PCBP3: variants seen among roughly 807,000 people sequenced by gnomAD.
PCBP3 encodes the protein poly(rC)-binding protein 3.
Under a neutral mutation model 52.7 loss-of-function variants are expected in PCBP3, and 25 were observed. The observed-to-expected ratio is 0.47, with a 90% CI of 0.35 to 0.66. The LOEUF (loss-of-function observed/expected upper bound fraction) is 0.66. PCBP3 is among the 30% of genes least tolerant of loss of function. The pLI, the probability that PCBP3 is intolerant of heterozygous loss-of-function variation, is 0.01. For missense variants in PCBP3, 391 were observed against 490.3 expected, an observed-to-expected ratio of 0.80 and a Z score of 1.91; for synonymous variants, 162 against 183.0, an observed-to-expected ratio of 0.89 and a Z score of 0.93.
At chr21:45,799,765 CTTTG>C (rs1426971097) in intron 4 of PCBP3, among the ~76,000 whole-genome samples, 1 of 152,146 alleles carries the variant, frequency 6.6e-6, no homozygotes, top group Non-Finnish European at 1.5e-5. Flanking sequence ...GGGAACTGGG[CTTTG>C]TTTTAGTTTC....
chr21:45,678,619 G>T (rs999470640), intron 2 of PCBP3, among the ~76,000 whole-genome samples: 1 of 151,840 alleles, frequency 6.6e-6, no homozygotes, highest in African/African-American at 2.4e-5. Flanking sequence ...GCCTGAAGAT[G>T]TGACTGAATT....
At chr21:45,814,592 G>A (rs2092787554) in intron 4 of PCBP3, among the ~76,000 whole-genome samples, 1 of 133,548 alleles carries the variant, frequency 7.5e-6, no homozygotes, top group Admixed American at 7.4e-5. Context: ...GTGATGAGTG[G>A]TGAGTGAGTG....
intron 13 of PCBP3, among the ~76,000 whole-genome samples, chr21:45,925,737 A>G (rs1176947442): frequency 6.6e-6 from 1 of 152,254 alleles, no homozygotes; most frequent in Non-Finnish European, 1.5e-5. Flanking sequence ...TTTACTCATT[A>G]CATGTTGATA....
chr21:45,883,336 G>A (rs2095445005), intron 5 of PCBP3, among the ~76,000 whole-genome samples: 1 of 152,196 alleles, frequency 6.6e-6, no homozygotes, highest in South Asian at 2.1e-4. Flanking sequence ...TATAGATTCT[G>A]TACATGCAGG....
intron 2 of PCBP3, among the ~76,000 whole-genome samples, chr21:45,730,723 G>A (rs987209763): frequency 2.0e-5 from 3 of 151,996 alleles, no homozygotes; most frequent in East Asian, 3.9e-4. Flanking sequence ...GTGTGTGAAC[G>A]TTTAGGGTTA....
chr21:45,655,006 A>G (rs1332143956), intron 1 of PCBP3, among the ~76,000 whole-genome samples: 1 of 152,172 alleles, frequency 6.6e-6, no homozygotes, highest in Non-Finnish European at 1.5e-5. Flanking sequence ...CACTTTGCAT[A>G]ACATTTTCAA....
chr21:45,819,770 C>G (rs2093074259), intron 4 of PCBP3, among the ~76,000 whole-genome samples: 1 of 152,274 alleles, frequency 6.6e-6, no homozygotes, highest in Admixed American at 6.5e-5. Flanking sequence ...CTGGGCGCCT[C>G]TGTCCAGTGC....
At chr21:45,660,552 G>C (rs2080322523) in intron 1 of PCBP3, among the ~76,000 whole-genome samples, 1 of 152,036 alleles carries the variant, frequency 6.6e-6, no homozygotes, top group Non-Finnish European at 1.5e-5. Flanking sequence ...CTCCATTACT[G>C]ACTTTGTGTT....
rs1292306105 is a variant in PCBP3 at position 45,940,053 on chromosome 21, C to T, written c.933C>T (p.Arg311=). Residue 311 remains arginine (R), a synonymous_variant, in exon 17 of 18, where the codon CGC becomes CGT. Transcript: ENST00000681687. Reference sequence around the variant, plus strand: ...AGCTAATAGGCTGCATAATTGGACGCCAAGGGACCAAAATCAATGAAATTC... The same window carrying T: ...AGCTAATAGGCTGCATAATTGGACGTCAAGGGACCAAAATCAATGAAATTC... ...PNDLIGCIIG[R]QGTKINEIRQ... 6.2e-7 allele frequency: 1 copy of T among 1,614,102 alleles called. No homozygotes were observed. Among genetic ancestry groups the T allele is most frequent in the South Asian group, 1.1e-5 (1 of 91,080 alleles).
intron 5 of PCBP3, among the ~76,000 whole-genome samples, chr21:45,887,821 C>G (rs558703133): frequency 6.6e-6 from 1 of 152,220 alleles, no homozygotes; most frequent in South Asian, 2.1e-4. Flanking sequence ...CCCTAAGCTT[C>G]CCGGAGAGCC....
At chr21:45,653,575 C>G (rs763913800) in intron 1 of PCBP3, among the ~76,000 whole-genome samples, 1 of 152,014 alleles carries the variant, frequency 6.6e-6, no homozygotes, top group Non-Finnish European at 1.5e-5. Context: ...CTCATATTTA[C>G]ATACTATCTT....
At chr21:45,828,876 TC>T (rs1324470334) in intron 4 of PCBP3, 2 of 152,268 alleles carry the variant, frequency 1.3e-5, no homozygotes, top group African/African-American at 4.8e-5. Flanking sequence ...ATGCCCAGGC[TC>T]CTTTGGGGGC....
intron 13 of PCBP3, chr21:45,918,168 A>T (rs2073808924): frequency 5.9e-6 from 1 of 169,224 alleles, no homozygotes; most frequent in Non-Finnish European, 1.3e-5. Context: ...TTCCAGAATC[A>T]GTGGGATGCC....
intron 2 of PCBP3, among the ~76,000 whole-genome samples, chr21:45,692,641 T>A (rs1156844069): frequency 6.6e-6 from 1 of 152,170 alleles, no homozygotes; most frequent in African/African-American, 2.4e-5. Context: ...ACTATATAAA[T>A]TCAATTTCTA....
chr21:45,814,988 A>AGTGAGTG (rs752278420), intron 4 of PCBP3, among the ~76,000 whole-genome samples: 1,334 of 45,188 alleles, frequency 0.03, 93 homozygotes, highest in Middle Eastern at 0.068. Context: ...GTGAGTGGTG[A>AGTGAGTG]GTGAGTGGTG....
At position 45,715,087 on chromosome 21, in the gene PCBP3, TAAC is replaced by T. The variant is rs779079881; in HGVS notation, c.-199-20302_-199-20300del. Reference sequence around the variant, plus strand: ...AATGGATAAATCTCAGTAACAGTGTTAACAAAGCAGGTTGCAAAAGGATAAGTG... The same window carrying T: ...AATGGATAAATCTCAGTAACAGTGTTAAAGCAGGTTGCAAAAGGATAAGTG... On this transcript the variant is annotated intron_variant, in intron 2 of 17. Transcript: ENST00000681687. Among the ~76,000 whole-genome samples, 21 of 152,248 alleles carry T rather than the reference TAAC, an allele frequency of 1.4e-4. 1 individual carries two copies. The highest frequency in any genetic ancestry group is 4.4e-5 in the Non-Finnish European group (3 of 68,040).
chr21:45,722,771 T>G (rs1191219093), intron 2 of PCBP3, among the ~76,000 whole-genome samples: 1 of 151,598 alleles, frequency 6.6e-6, no homozygotes, highest in Non-Finnish European at 1.5e-5. Flanking sequence ...GGAGGCCAAG[T>G]GGGGGTGGAT....
At chr21:45,841,555 G>T (rs1448563396) in intron 4 of PCBP3, among the ~76,000 whole-genome samples, 1 of 152,058 alleles carries the variant, frequency 6.6e-6, no homozygotes, top group African/African-American at 2.4e-5. Context: ...TTTTAGTTCA[G>T]TTTCACATAT....
intron 2 of PCBP3, among the ~76,000 whole-genome samples, chr21:45,685,683 A>T (rs80069904): frequency 2.6e-5 from 4 of 152,206 alleles, no homozygotes; most frequent in Non-Finnish European, 5.9e-5. Flanking sequence ...GCCTTACAGC[A>T]TAACTGAGTT....
Sources: allele counts gnomAD v4.1 joint callset (sites outside exome capture counted in the v4.1 genomes callset), GRCh38; gene constraint gnomAD v4.1.1; transcripts MANE v1.5; gene names NCBI Gene and HGNC (gene_info 2026-07-23, HGNC 2026-07-21).